The following PRKAR1B variants were observed in gnomAD, a reference collection of about 807,000 sequenced individuals.
PRKAR1B encodes the protein protein kinase cAMP-dependent type I regulatory subunit beta.
PRKAR1B carries 22 observed loss-of-function variants against 46.5 expected under a neutral mutation model. The ratio of observed to expected loss-of-function variants is 0.47; its 90% confidence interval spans 0.34 to 0.68. The LOEUF is 0.68. Among genes scored for constraint, PRKAR1B ranks in the 30% least tolerant of loss-of-function variants. The pLI is 0.01. For missense variants in PRKAR1B, 445 were observed against 535.6 expected (o/e 0.83, Z 1.67); for synonymous variants, 259 against 217.7 (o/e 1.19, Z -1.67).
At chr7:707,016 G>A (rs1444683651) in intron 2 of PRKAR1B, among the ~76,000 whole-genome samples, 4 of 152,230 alleles carry the variant, frequency 2.6e-5, no homozygotes, top group Admixed American at 6.5e-5. Context: ...CTACCCAGAG[G>A]CACACTTCCC....
In PRKAR1B at chr7:605,753, C is replaced by T. The variant is rs181169330; in HGVS notation, c.549+440G>A. Among the ~76,000 whole-genome samples, 241 of 152,242 alleles carry T rather than the reference C, an allele frequency of 1.6e-3. 2 individuals are homozygous for T. Among genetic ancestry groups the T allele is most frequent in the African/African-American group, 5.2e-3 (214 of 41,544 alleles). ...GCCAAACGCAGGCGCAAAAGGCAGC[C>T]GTTGTTTGATCGTGAAGTCGTCGGT... On this transcript the variant is annotated intron_variant, in intron 6 of 10. Coordinates refer to ENST00000537384, the MANE Select transcript of PRKAR1B (RefSeq NM_001164760.2).
chr7:645,699 C>G (rs1784588839), intron 4 of PRKAR1B, among the ~76,000 whole-genome samples: 1 of 152,116 alleles, frequency 6.6e-6, no homozygotes, highest in Non-Finnish European at 1.5e-5. Flanking sequence ...AGCCCTCCAG[C>G]CTCCAGGCCT....
chr7:627,206 T>C (rs992544239), intron 4 of PRKAR1B, among the ~76,000 whole-genome samples: 1 of 151,610 alleles, frequency 6.6e-6, no homozygotes, highest in Non-Finnish European at 1.5e-5. Context: ...CCCAGGCTGG[T>C]CTCAAACTCC....
In PRKAR1B at chr7:726,060, TTAGCCAGTTTCTGCATG is replaced by T. The variant is rs531858412; in HGVS notation, c.-23+1133_-23+1149del. 6.4e-4 allele frequency among the ~76,000 whole-genome samples: 97 copies of T among 151,660 alleles called. 3 individuals carry two copies. The South Asian group carries it at 0.018, about 28-fold the overall frequency. On this transcript the variant is annotated intron_variant, in intron 1 of 10. Coordinates refer to ENST00000537384, the MANE Select transcript of PRKAR1B (RefSeq NM_001164760.2). ...TTGAGCAATAAAGCTCCAGTGTCCT[TTAGCCAGTTTCTGCATG>T]CAGCCAGTTTCTGCATGCAGCCAGT... is the stretch of plus-strand genomic sequence containing the variant.
At chr7:601,922 G>A (rs1430376018) in intron 6 of PRKAR1B, among the ~76,000 whole-genome samples, 3 of 149,518 alleles carry the variant, frequency 2.0e-5, no homozygotes, top group Non-Finnish European at 3.0e-5. Context: ...AGGGGGAGGC[G>A]CAGGGACGGG....
intron 3 of PRKAR1B, among the ~76,000 whole-genome samples, chr7:678,828 G>A (rs1778493582): frequency 6.6e-6 from 1 of 152,238 alleles, no homozygotes; most frequent in Admixed American, 6.5e-5. Context: ...GCTCACACCT[G>A]TAATCCCAGC....
At position 644,178 on chromosome 7, in the gene PRKAR1B, A is replaced by G. The variant is rs1447501830; in HGVS notation, c.440+33051T>C. Reference sequence around the variant, plus strand: ...CCTCACCTACACAGGCAGGCAGCACAGGGCACCGACAGGCGGGATGTTCAA... The same window carrying G: ...CCTCACCTACACAGGCAGGCAGCACGGGGCACCGACAGGCGGGATGTTCAA... On this transcript the variant is annotated intron_variant, in intron 4 of 10. Coordinates refer to ENST00000537384, the MANE Select transcript of PRKAR1B (RefSeq NM_001164760.2). The surrounding 1 kb of genome is among the most constrained non-coding windows in gnomAD (Gnocchi z 4.9). Among the ~76,000 whole-genome samples, 1 of 152,150 alleles carries G rather than the reference A, an allele frequency of 6.6e-6. No homozygotes were observed. Among genetic ancestry groups the G allele is most frequent in the Non-Finnish European group, 1.5e-5 (1 of 68,034 alleles).
intron 4 of PRKAR1B, among the ~76,000 whole-genome samples, chr7:620,065 G>A (rs1783034568): frequency 6.7e-6 from 1 of 149,816 alleles, no homozygotes; most frequent in Admixed American, 6.7e-5. Context: ...TGTTGCCCAG[G>A]CTGGTCTCAA....
In PRKAR1B at chr7:551,519, G is replaced by A. The variant is rs535597366; in HGVS notation, c.892-49C>T. On this transcript the variant is annotated intron_variant, in intron 9 of 10. Coordinates refer to ENST00000537384, the MANE Select transcript of PRKAR1B (RefSeq NM_001164760.2). ...TGAGTGCCAGCCAGGCGGGTGCAGG[G>A]TGGGACACACGTGAGGGGTCACCCC... The A allele has an allele frequency of 4.0e-5, 61 of 1,531,588 alleles. No homozygotes were observed. In the South Asian group the frequency reaches 4.8e-4, roughly 12 times the overall value. 94.9% of individuals were successfully genotyped at this position (1,531,588 alleles called of 1,614,324 possible). A position where few individuals can be genotyped will look rare whatever the true frequency, so the allele number is the denominator to read the frequency against.
chr7:625,065 C>G (rs993427731), intron 4 of PRKAR1B, among the ~76,000 whole-genome samples: 1 of 152,162 alleles, frequency 6.6e-6, no homozygotes, highest in Non-Finnish European at 1.5e-5. Flanking sequence ...AGTGCATGCT[C>G]TCACACCGGA....
chr7:569,307 G>A (rs368972433), intron 9 of PRKAR1B, among the ~76,000 whole-genome samples: 74 of 152,288 alleles, frequency 4.9e-4, no homozygotes, highest in East Asian at 3.5e-3. Flanking sequence ...ACAGCCTGCC[G>A]GCCGCCCCAA....
At chr7:715,979 T>C (rs1164615795) in intron 1 of PRKAR1B, among the ~76,000 whole-genome samples, 1 of 152,106 alleles carries the variant, frequency 6.6e-6, no homozygotes, top group Non-Finnish European at 1.5e-5. Flanking sequence ...CCTCCCAAAG[T>C]GCTGGGATTA....
chr7:623,077 T>A (rs191006722), intron 4 of PRKAR1B, among the ~76,000 whole-genome samples: 3 of 152,316 alleles, frequency 2.0e-5, no homozygotes, highest in Admixed American at 1.3e-4. Flanking sequence ...AGGGTTCCCA[T>A]CTGCTGGGAT....
intron 4 of PRKAR1B, among the ~76,000 whole-genome samples, chr7:623,799 T>C (rs978717235): frequency 1.3e-5 from 2 of 152,224 alleles, no homozygotes; most frequent in African/African-American, 2.4e-5. Flanking sequence ...CACACGTCAC[T>C]GAATAACGTT....
intron 2 of PRKAR1B, among the ~76,000 whole-genome samples, chr7:708,492 A>C (rs574847045): frequency 3.3e-5 from 5 of 152,190 alleles, no homozygotes; most frequent in South Asian, 2.1e-4. Context: ...TTTTTTAAAA[A>C]ATTTATTTAT....
chr7:715,044 G>A (rs1277845046), intron 1 of PRKAR1B, among the ~76,000 whole-genome samples: 1 of 152,046 alleles, frequency 6.6e-6, no homozygotes, highest in Non-Finnish European at 1.5e-5. Flanking sequence ...AATTAGCCGG[G>A]CATGGTCATG....
At chr7:707,280 A>G (rs4415214) in intron 2 of PRKAR1B, among the ~76,000 whole-genome samples, 98,318 of 152,092 alleles carry the variant, frequency 0.65, 31,879 homozygotes, top group Admixed American at 0.68. Context: ...AAACAAACAA[A>G]AATCACCTGC....
At chr7:552,954 A>G (rs951580434) in intron 9 of PRKAR1B, among the ~76,000 whole-genome samples, 1 of 152,204 alleles carries the variant, frequency 6.6e-6, no homozygotes, top group East Asian at 1.9e-4. Context: ...TGATTAACAC[A>G]GAGGCCGTGG....
At chr7:726,613 G>A (rs910686997) in intron 1 of PRKAR1B, 7 of 873,374 alleles carry the variant, frequency 8.0e-6, no homozygotes, top group Admixed American at 4.4e-5. Context: ...CCGGCGGGGA[G>A]GAAGTAGCCC....
Sources: allele counts gnomAD v4.1 joint callset (sites outside exome capture counted in the v4.1 genomes callset), GRCh38; gene constraint gnomAD v4.1.1; non-coding constraint Gnocchi (gnomAD v3.1); transcripts MANE v1.5; gene names NCBI Gene and HGNC (gene_info 2026-07-23, HGNC 2026-07-21).